Variants in ZNF469 observed in about 807,000 individuals in gnomAD.
ZNF469 encodes zinc finger protein 469.
In ZNF469, 1 loss-of-function variant was observed where a neutral mutation model predicts 1.0. That is an observed-to-expected ratio of 1.00 (90% CI 0.35 to 4.73). The LOEUF is 4.73. Ranked by LOEUF, ZNF469 falls within the 30% of genes most tolerant of loss-of-function variation. The pLI, the probability that ZNF469 is intolerant of heterozygous loss-of-function variation, is 0.16. For synonymous variants in ZNF469, 2,703 were observed against 2,363.4 expected (o/e 1.14, Z -4.17); for missense variants, 6,100 against 5,356.3 (o/e 1.14, Z -4.33).
chr16:88,355,535 G>C, the ZNF469 span, among the ~76,000 whole-genome samples: 1 of 152,362 alleles, frequency 6.6e-6, no homozygotes, highest in Admixed American at 6.5e-5. Context: ...AGCTGCTGCC[G>C]ATCCTGGGGG....
At chr16:88,255,208 T>G in the ZNF469 span, among the ~76,000 whole-genome samples, 2 of 152,250 alleles carry the variant, frequency 1.3e-5, no homozygotes, top group African/African-American at 4.8e-5. Flanking sequence ...AGATGCAGGC[T>G]GCATATGTTG....
chr16:88,256,263 G>A, the ZNF469 span, among the ~76,000 whole-genome samples: 1 of 152,150 alleles, frequency 6.6e-6, no homozygotes, highest in African/African-American at 2.4e-5. Context: ...GGCTCTCACA[G>A]TTTTGCCTTT....
the ZNF469 span, among the ~76,000 whole-genome samples, chr16:88,246,865 G>A: frequency 3.4e-5 from 5 of 146,436 alleles, no homozygotes; most frequent in East Asian, 7.8e-4. Context: ...ATGAGCAAGT[G>A]AATGAGTGAG....
At chr16:88,321,661 T>C in the ZNF469 span, among the ~76,000 whole-genome samples, 9 of 152,208 alleles carry the variant, frequency 5.9e-5, no homozygotes, top group East Asian at 3.8e-4. Flanking sequence ...CCTCGGATTC[T>C]GCTCATAAGG....
At chr16:88,240,083 T>C in the ZNF469 span, among the ~76,000 whole-genome samples, 168 of 150,668 alleles carry the variant, frequency 1.1e-3, no homozygotes, top group Non-Finnish European at 1.8e-3. Context: ...CCCATGCCCA[T>C]TGGTGACTGA....
the ZNF469 span, among the ~76,000 whole-genome samples, chr16:88,362,979 A>T: frequency 3.3e-4 from 50 of 152,004 alleles, no homozygotes; most frequent in African/African-American, 1.2e-3. Flanking sequence ...TGTCATCTCC[A>T]TTCTACTGTA....
At chr16:88,160,284 A>G in the ZNF469 span, among the ~76,000 whole-genome samples, 1 of 152,218 alleles carries the variant, frequency 6.6e-6, no homozygotes, top group African/African-American at 2.4e-5. Flanking sequence ...GGGCAAGATT[A>G]TCTCTCTAGA....
chr16:88,391,174 T>G (rs764176565), intron 1 of ZNF469, among the ~76,000 whole-genome samples: 1 of 152,192 alleles, frequency 6.6e-6, no homozygotes, highest in Non-Finnish European at 1.5e-5. Flanking sequence ...CCCCACCTGT[T>G]CAGTGGAGTG....
intron 1 of ZNF469, among the ~76,000 whole-genome samples, chr16:88,399,356 G>C (rs1904789481): frequency 6.6e-6 from 1 of 152,236 alleles, no homozygotes; most frequent in South Asian, 2.1e-4. Flanking sequence ...GTCTGGATGG[G>C]ACACAATGCA....
At chr16:88,296,562 G>C in the ZNF469 span, among the ~76,000 whole-genome samples, 1 of 145,800 alleles carries the variant, frequency 6.9e-6, no homozygotes, top group Non-Finnish European at 1.5e-5. Flanking sequence ...GCACACTCAC[G>C]TGCTCACACA....
rs745660773 is a variant in ZNF469, at chr16:88,427,680, C to T, written c.210C>T (p.Asp70=). ...AGGCCCAGCCAAGGCAGGCCAGGGA[C>T]GGGGAGCTCAAGCCCCCATCCCTGA... ...LPEAQPRQAR[D]GELKPPSLRG... is the part of the protein sequence containing the mutation. Residue 70 remains aspartate (D), a synonymous_variant, in exon 3 of 3, where the codon GAC becomes GAT. Coordinates refer to ENST00000565624, the MANE Select transcript of ZNF469 (RefSeq NM_001367624.2). 70 of 1,533,858 alleles carry T rather than the reference C, an allele frequency of 4.6e-5. No homozygotes were observed. Among genetic ancestry groups the T allele is most frequent in the South Asian group, 8.4e-5 (7 of 83,714 alleles).
chr16:88,399,281 C>T (rs750791200), intron 1 of ZNF469, among the ~76,000 whole-genome samples: 2 of 152,380 alleles, frequency 1.3e-5, no homozygotes, highest in Non-Finnish European at 2.9e-5. Flanking sequence ...ATGACATCTG[C>T]CGCATCCCAA....
chr16:88,421,428 G>T (rs987861659), intron 1 of ZNF469, among the ~76,000 whole-genome samples: 3 of 152,192 alleles, frequency 2.0e-5, no homozygotes, highest in African/African-American at 7.2e-5. Context: ...GGCACCAAGG[G>T]GCTCTGCCAA....
At chr16:88,408,111 A>G (rs2142280637) in intron 1 of ZNF469, among the ~76,000 whole-genome samples, 1 of 152,314 alleles carries the variant, frequency 6.6e-6, no homozygotes, top group East Asian at 1.9e-4. Context: ...CTTGTCGTAT[A>G]GGCCTCATTT....
At chr16:88,382,426 C>T (rs1005635735), upstream of ZNF469, among the ~76,000 whole-genome samples, 1 of 152,264 alleles carries the variant, frequency 6.6e-6, no homozygotes, top group Non-Finnish European at 1.5e-5. Context: ...GGGGCAGTCC[C>T]AGGGCTGGAC....
At chr16:88,193,081 ATGGTGG>A in the ZNF469 span, among the ~76,000 whole-genome samples, 12 of 36,418 alleles carry the variant, frequency 3.3e-4, no homozygotes, top group African/African-American at 8.7e-4. Context: ...GGTGGTGGTG[ATGGTGG>A]TGGTGATGGT....
chr16:88,399,509 G>A (rs1034693826), intron 1 of ZNF469, among the ~76,000 whole-genome samples: 1 of 152,166 alleles, frequency 6.6e-6, no homozygotes, highest in African/African-American at 2.4e-5. Flanking sequence ...TGAGAAGCCC[G>A]GCTGTGGGTG....
chr16:88,249,876 T>C, the ZNF469 span, among the ~76,000 whole-genome samples: 39 of 152,272 alleles, frequency 2.6e-4, no homozygotes, highest in Admixed American at 6.5e-4. Context: ...ATGACCTGCT[T>C]CTAGATCATG....
the ZNF469 span, among the ~76,000 whole-genome samples, chr16:88,338,346 G>A: frequency 2.6e-5 from 4 of 152,138 alleles, no homozygotes; most frequent in East Asian, 3.9e-4. Flanking sequence ...TGTCTGCCCC[G>A]GCAAGAGAGG....
Sources: gnomAD v4.1 joint callset for allele counts (sites outside exome capture counted in the v4.1 genomes callset) on GRCh38, gnomAD v4.1.1 for gene constraint, MANE v1.5 for transcripts, NCBI Gene and HGNC (gene_info 2026-07-23, HGNC 2026-07-21) for gene names.